GRK1: variants seen among roughly 807,000 people sequenced by gnomAD.
The protein encoded by GRK1 is rhodopsin kinase GRK1.
A neutral mutation model predicts 41.7 loss-of-function variants in GRK1; 28 were observed. The ratio of observed to expected loss-of-function variants is 0.67; its 90% CI spans 0.50 to 0.92. GRK1 has a LOEUF of 0.92. GRK1 is among the 40% of genes least tolerant of loss of function. The pLI, the probability that GRK1 is intolerant of heterozygous loss-of-function variation, is 0.00. For synonymous variants in GRK1, 327 were observed against 286.7 expected (o/e 1.14, Z -1.42); for missense variants, 703 against 671.2 (o/e 1.05, Z -0.52).
rs756164447 is a variant in GRK1 at position 113,667,963 on chromosome 13, T to C, written c.577T>C (p.Phe193Leu). The C allele has an allele frequency of 6.2e-7, 1 of 1,610,732 alleles. No homozygotes were observed. Among genetic ancestry groups the C allele is most frequent in the Non-Finnish European group, 8.5e-7 (1 of 1,178,676 alleles). ...CATGGGGGAGGACTGGTTCCTGGAC[T>C]TCAGGGTCCTAGGGAAAGGGGGCTT... is the stretch of plus-strand genomic sequence containing the variant. ...QPMGEDWFLD[F>L]RVLGKGGFGE... The change falls in exon 1 of 7, where the codon TTC becomes CTC. Residue 193 changes from phenylalanine to leucine, a missense_variant. Coordinates refer to ENST00000335678, the MANE Select transcript of GRK1 (RefSeq NM_002929.3). This position sits in a 1 kb window ranked among gnomAD's most constrained non-coding sequence, Gnocchi z 7.5.
chr13:113,671,699 G>T lies in GRK1; in HGVS notation c.985+43G>T. ...CTGGGAGGGATGAGGGCTACGAGGAGGGCGGGGCGCAGCTTCCTTGGGGGT... is the reference window on the plus strand; with the variant it reads ...CTGGGAGGGATGAGGGCTACGAGGATGGCGGGGCGCAGCTTCCTTGGGGGT... On this transcript the variant is annotated intron_variant, in intron 3 of 6. Transcript: ENST00000335678. The surrounding 1 kb of genome is among the most constrained non-coding windows in gnomAD (Gnocchi z 4.1). 1.4e-6 allele frequency: 1 copy of T among 710,044 alleles called. No homozygotes were observed. The highest frequency in any genetic ancestry group is 1.7e-5 in the African/African-American group (1 of 57,662). The allele number at this position is 710,044 out of a possible 1,614,324, so 44.0% of individuals were successfully genotyped here.
At chr13:113,732,133 C>T (rs139245766) in intron 5 of GRK1, among the ~76,000 whole-genome samples, 2,354 of 152,268 alleles carry the variant, frequency 0.015, 56 homozygotes, top group African/African-American at 0.052. Flanking sequence ...TCTCGTTGGA[C>T]GGAGGGGGTG....
chr13:113,733,786 CATGTGTGT>C (rs1368420247), intron 6 of GRK1, among the ~76,000 whole-genome samples: 29 of 108,670 alleles, frequency 2.7e-4, no homozygotes, highest in South Asian at 8.1e-4. Context: ...TACGTGTGTG[CATGTGTGT>C]ATGTGTATCT....
rs754560426 is a variant in GRK1 at position 113,733,851 on chromosome 13, ATG to A, written c.1396+771_1396+772del. 1.1e-3 allele frequency among the ~76,000 whole-genome samples: 82 copies of A among 73,890 alleles called. 1 individual carries two copies. The Middle Eastern group carries it at 0.059, about 53-fold the overall frequency. The allele number at this position is 73,890 out of a possible 152,430, so 48.5% of individuals were successfully genotyped here. On this transcript the variant is annotated intron_variant, in intron 6 of 6. Transcript: ENST00000335678. ...TGTGTGCACGTGCGTGTGCATGTGT[ATG>A]TGTGCATACGTGTGTGCGTGTGTGC...
At chr13:113,649,139 C>G in the GRK1 span, 305 of 396,434 alleles carry the variant, frequency 7.7e-4, 2 homozygotes, top group South Asian at 1.5e-3. The surrounding 1 kb of genome is among the most constrained non-coding windows in gnomAD (Gnocchi z 4.7). Context: ...GCTGGACATT[C>G]TTATAGCAGC....
chr13:113,666,224 T>G (rs1333646287), upstream of GRK1, among the ~76,000 whole-genome samples: 2 of 150,928 alleles, frequency 1.3e-5, no homozygotes, highest in South Asian at 2.1e-4. Flanking sequence ...GTCCCAGGTG[T>G]GTCCAAGATG....
chr13:113,665,451 G>A (rs1594568808), upstream of GRK1, among the ~76,000 whole-genome samples: 1 of 149,384 alleles, frequency 6.7e-6, no homozygotes, highest in African/African-American at 2.5e-5. Context: ...TTGCAGGTGT[G>A]CCCCAGTTGC....
chr13:113,724,387 C>G (rs1160836722), intron 4 of GRK1, among the ~76,000 whole-genome samples: 1 of 152,204 alleles, frequency 6.6e-6, no homozygotes, highest in Non-Finnish European at 1.5e-5. Context: ...AATGTCGCTT[C>G]CCCGTGGTTG....
chr13:113,733,880 TAC>T (rs1491207518), intron 6 of GRK1, among the ~76,000 whole-genome samples: 1 of 88,892 alleles, frequency 1.1e-5, no homozygotes, highest in Non-Finnish European at 2.1e-5. Context: ...CGTGTGTGCA[TAC>T]GTGTGTGCGT....
chr13:113,657,656 A>G, the GRK1 span, among the ~76,000 whole-genome samples: 1 of 152,272 alleles, frequency 6.6e-6, no homozygotes, highest in African/African-American at 2.4e-5. Context: ...TATTCAGGTC[A>G]TTGCGTGAAT....
Position 113,732,910 on chromosome 13 carries a change from G to A in GRK1, c.1221G>A (p.Arg407=), listed in dbSNP as rs1358539083. 2.4e-5 allele frequency: 37 copies of A among 1,536,652 alleles called. 1 individual carries two copies. The highest frequency in any genetic ancestry group is 1.2e-5 in the South Asian group (1 of 84,052). Residue 407 remains arginine, a synonymous_variant, in exon 6 of 7, where the codon CGG becomes CGA. Coordinates refer to ENST00000335678, the MANE Select transcript of GRK1 (RefSeq NM_002929.3). The part of the protein sequence containing the change: ...EKVENKELKH[R]IISEPVKYPD... ...TGGAGAACAAGGAGCTGAAGCACCG[G>A]ATCATCTCAGAGCCCGTGAAGTACC...
intron 4 of GRK1, among the ~76,000 whole-genome samples, chr13:113,724,492 T>C (rs1246252145): frequency 6.6e-6 from 1 of 152,128 alleles, no homozygotes; most frequent in Admixed American, 6.5e-5. Flanking sequence ...ACTGGGCGTA[T>C]TTGTGCCGTG....
In GRK1 at chr13:113,667,305, C is replaced by A; in HGVS notation, c.-82C>A. ...CGGGCCACAGGCCAAGGGCAGCAGTCAGGCCTGCTCTGTCTGTGAACGCTC... is the reference window on the plus strand; with the variant it reads ...CGGGCCACAGGCCAAGGGCAGCAGTAAGGCCTGCTCTGTCTGTGAACGCTC... On this transcript the variant is annotated 5_prime_UTR_variant, in exon 1 of 7. Transcript: ENST00000335678. The surrounding 1 kb of genome is among the most constrained non-coding windows in gnomAD (Gnocchi z 7.5). The A allele has an allele frequency of 7.5e-7, 1 of 1,336,454 alleles. No individual in the cohort carries two copies. The highest frequency in any genetic ancestry group is 1.0e-6 in the Non-Finnish European group (1 of 994,172). 82.8% of individuals were successfully genotyped at this position (1,336,454 alleles called of 1,614,324 possible).
At chr13:113,665,093 AGTTGCCTCTTCTCCCAC>A (rs1195567949), upstream of GRK1, among the ~76,000 whole-genome samples, 22 of 152,280 alleles carry the variant, frequency 1.4e-4, no homozygotes, top group African/African-American at 5.3e-4. Flanking sequence ...GCCCTCCCAC[AGTTGCCTCTTCTCCCAC>A]GTGGAATGGG....
chr13:113,667,464 C>T lies in GRK1; in HGVS notation c.78C>T (p.Ser26=). The T allele has an allele frequency of 6.2e-7, 1 of 1,609,778 alleles. No homozygotes were observed. The highest frequency in any genetic ancestry group is 8.5e-7 in the Non-Finnish European group (1 of 1,177,990). The change falls in exon 1 of 7, where the codon AGC becomes AGT. Residue 26 remains serine (S), a synonymous_variant. Coordinates refer to ENST00000335678, the MANE Select transcript of GRK1 (RefSeq NM_002929.3). This position sits in a 1 kb window ranked among gnomAD's most constrained non-coding sequence, Gnocchi z 7.5. ...IAARGSFDGS[S]SQPSRDKKYL... ...CCCGAGGCAGCTTTGACGGCAGCAG[C>T]TCCCAACCCTCCCGGGACAAGAAGT... is the stretch of plus-strand genomic sequence containing the variant.
chr13:113,726,776 G>A (rs1177171305), intron 4 of GRK1, among the ~76,000 whole-genome samples: 1 of 152,326 alleles, frequency 6.6e-6, no homozygotes, highest in South Asian at 2.1e-4. Flanking sequence ...GGCTGTGATC[G>A]TGTGAGCAGT....
At chr13:113,668,747 G>A (rs368598712) in intron 1 of GRK1, among the ~76,000 whole-genome samples, 7 of 152,364 alleles carry the variant, frequency 4.6e-5, no homozygotes, top group South Asian at 4.1e-4. Context: ...GGGTGTGGAC[G>A]TGATCTCCTG....
the GRK1 span, among the ~76,000 whole-genome samples, chr13:113,657,219 G>A: frequency 9.2e-5 from 14 of 152,140 alleles, no homozygotes; most frequent in Non-Finnish European, 1.3e-4. Context: ...CCCCAGAGCC[G>A]GGCACCGTGG....
intron 6 of GRK1, among the ~76,000 whole-genome samples, chr13:113,733,837 G>GTA (rs2049970137): frequency 3.9e-5 from 5 of 128,046 alleles, no homozygotes; most frequent in Non-Finnish European, 8.0e-5. Context: ...GTGTGCACGT[G>GTA]CGTGTGCATG....
Sources: allele counts gnomAD v4.1 joint callset (sites outside exome capture counted in the v4.1 genomes callset), GRCh38; gene constraint gnomAD v4.1.1; non-coding constraint Gnocchi (gnomAD v3.1); transcripts MANE v1.5; gene names NCBI Gene and HGNC (gene_info 2026-07-23, HGNC 2026-07-21).